The following EPYC variants were observed in gnomAD, a reference collection of about 807,000 sequenced individuals.
EPYC encodes the protein dermatan sulfate proteoglycan 3.
EPYC carries 28 observed loss-of-function variants against 30.1 expected under a neutral mutation model. The ratio of observed to expected loss-of-function variants is 0.93; its 90% CI spans 0.69 to 1.28. The LOEUF is 1.28. EPYC is among the 50% of genes most tolerant of loss of function. The probability of loss-of-function intolerance (pLI) is 0.00; values close to 1 mark genes in which losing one functional copy is unlikely to be tolerated. For synonymous variants in EPYC, 144 were observed against 141.4 expected (o/e 1.02, Z -0.13); for missense variants, 382 against 383.5 (o/e 1.00, Z 0.03).
chr12:90,967,523 T>C (rs1876928653), intron 6 of EPYC, among the ~76,000 whole-genome samples: 1 of 152,210 alleles, frequency 6.6e-6, no homozygotes. Context: ...TAGTATGTGG[T>C]CTACCTGGGA....
Position 90,964,345 on chromosome 12 carries a change from A to T in EPYC, c.799-19T>A, listed in dbSNP as rs549750905. ...TGTTATTCTAAAAAAGATGAAAATAAATTATGACAAGATATAACACATTCT... is the reference window on the plus strand; with the variant it reads ...TGTTATTCTAAAAAAGATGAAAATATATTATGACAAGATATAACACATTCT... On this transcript the variant is annotated intron_variant, in intron 6 of 6. Transcript: ENST00000261172. 10 of 1,567,948 alleles carry T rather than the reference A, an allele frequency of 6.4e-6. No homozygotes were observed. In the African/African-American group the frequency reaches 8.1e-5, roughly 13 times the overall value.
intron 2 of EPYC, among the ~76,000 whole-genome samples, chr12:90,987,045 T>G (rs1018487697): frequency 6.6e-6 from 1 of 152,172 alleles, no homozygotes; most frequent in African/African-American, 2.4e-5. Flanking sequence ...TTGTTTTGTG[T>G]ATAAGAGTAA....
At chr12:90,975,058 A>G (rs1877149663) in intron 3 of EPYC, among the ~76,000 whole-genome samples, 1 of 152,132 alleles carries the variant, frequency 6.6e-6, no homozygotes, top group Non-Finnish European at 1.5e-5. Flanking sequence ...TGTAATCAAG[A>G]ACTAATAATG....
intron 3 of EPYC, among the ~76,000 whole-genome samples, chr12:90,976,519 G>T (rs1267208447): frequency 6.6e-6 from 1 of 152,044 alleles, no homozygotes; most frequent in Non-Finnish European, 1.5e-5. Flanking sequence ...TCACAGTGCT[G>T]GGATTTGAAT....
intron 3 of EPYC, among the ~76,000 whole-genome samples, chr12:90,975,406 A>G (rs1437802239): frequency 1.3e-5 from 2 of 152,066 alleles, no homozygotes; most frequent in African/African-American, 4.8e-5. Flanking sequence ...TTGTTTTAGT[A>G]GTAAAAATAT....
intron 6 of EPYC, among the ~76,000 whole-genome samples, chr12:90,965,052 T>C (rs558711752): frequency 6.4e-4 from 98 of 152,238 alleles, no homozygotes; most frequent in African/African-American, 2.2e-3. Flanking sequence ...ACTGCTAATC[T>C]ATTTTCTTTT....
At chr12:90,976,351 C>G (rs1006079256) in intron 3 of EPYC, among the ~76,000 whole-genome samples, 3 of 152,110 alleles carry the variant, frequency 2.0e-5, no homozygotes, top group African/African-American at 7.2e-5. Context: ...ATAACTAACA[C>G]TATGTTTACT....
chr12:90,989,279 G>T (rs1034475101), intron 2 of EPYC, among the ~76,000 whole-genome samples: 1 of 151,818 alleles, frequency 6.6e-6, no homozygotes, highest in African/African-American at 2.4e-5. Flanking sequence ...CTTATTTGTT[G>T]TAGTACTTAC....
chr12:91,002,445 C>G lies in EPYC; in HGVS notation c.121G>C (p.Asp41His). The G allele has an allele frequency of 6.2e-7, 1 of 1,613,122 alleles. No individual in the cohort carries two copies. The highest frequency in any genetic ancestry group is 1.7e-5 in the Admixed American group (1 of 59,886). Residue 41 changes from aspartate to histidine, a missense_variant, in exon 2 of 7, where the codon GAT becomes CAT. Physicochemically the swap from Asp to His is moderately conservative, Grantham distance 81. Coordinates refer to ENST00000261172, the MANE Select transcript of EPYC (RefSeq NM_004950.5). ...ETYDATLEDL[D>H]NLYNYENIPV... ...ATGTTTTCATAGTTGTACAAATTAT[C>G]CAGGTCTTCTAAGGTGGCATCATAG... is the stretch of plus-strand genomic sequence containing the variant.
chr12:90,972,746 G>A (rs1466865474), intron 4 of EPYC, 76 bp downstream of exon 4: 9 of 1,306,244 alleles, frequency 6.9e-6, no homozygotes, highest in Non-Finnish European at 8.4e-6. Flanking sequence ...TTCATTCTCA[G>A]TGCTAACATT....
intron 2 of EPYC, among the ~76,000 whole-genome samples, chr12:90,989,575 A>C (rs1877534202): frequency 6.6e-6 from 1 of 151,994 alleles, no homozygotes; most frequent in Non-Finnish European, 1.5e-5. Context: ...TCTAAAAGAT[A>C]ATGCTTACTC....
intron 2 of EPYC, among the ~76,000 whole-genome samples, chr12:90,980,649 T>C (rs1385799418): frequency 2.0e-5 from 3 of 152,158 alleles, no homozygotes; most frequent in African/African-American, 7.2e-5. Flanking sequence ...ATGCTTATGT[T>C]GCAGAAAACT....
intron 2 of EPYC, among the ~76,000 whole-genome samples, chr12:91,001,305 C>A (rs186381344): frequency 6.6e-6 from 1 of 152,124 alleles, no homozygotes; most frequent in East Asian, 1.9e-4. Flanking sequence ...ACGATTTCAT[C>A]TAAATATTTT....
chr12:90,974,032 A>ACT (rs1208719503), intron 3 of EPYC, among the ~76,000 whole-genome samples: 214 of 106,024 alleles, frequency 2.0e-3, no homozygotes, highest in South Asian at 5.0e-3. Flanking sequence ...TCTGTCTTAC[A>ACT]CACACTCACA....
At chr12:90,988,037 A>G (rs1877494843) in intron 2 of EPYC, among the ~76,000 whole-genome samples, 1 of 152,140 alleles carries the variant, frequency 6.6e-6, no homozygotes, top group South Asian at 2.1e-4. Flanking sequence ...AAATCCTTGA[A>G]GAAAGAGAAA....
At chr12:90,972,614 C>T in intron 4 of EPYC, 1 of 454,930 alleles carries the variant, frequency 2.2e-6, no homozygotes, top group Non-Finnish European at 3.9e-6. Flanking sequence ...AAAACATCAC[C>T]TATATGGTTT....
chr12:90,981,537 G>C (rs187747617), intron 2 of EPYC, among the ~76,000 whole-genome samples: 1 of 152,250 alleles, frequency 6.6e-6, no homozygotes, highest in East Asian at 1.9e-4. Context: ...ACCATTTTAA[G>C]TGACAATAAG....
chr12:90,976,652 G>C (rs1293719588), intron 3 of EPYC, among the ~76,000 whole-genome samples: 1 of 151,996 alleles, frequency 6.6e-6, no homozygotes, highest in South Asian at 2.1e-4. Flanking sequence ...ATGTGTTCTG[G>C]ACAGACTTTT....
chr12:90,972,944 G>C lies in EPYC; in HGVS notation c.377C>G (p.Thr126Ser), dbSNP rs1267475239. The change falls in exon 4 of 7, where the codon ACC (threonine) becomes AGC (serine). Residue 126 changes from threonine to serine, a missense_variant. Transcript: ENST00000261172. ...TTCATGGTCATCACAGTACACGGTG[G>C]TACTTATACAAGTACACAAAAGACA... ...PTCLLCTCIS[T>S]TVYCDDHELD... 2 of 1,607,782 alleles carry C rather than the reference G, an allele frequency of 1.2e-6. No homozygotes were observed. The highest frequency in any genetic ancestry group is 1.7e-6 in the Non-Finnish European group (2 of 1,176,098).
Sources: gnomAD v4.1 joint callset for allele counts (sites outside exome capture counted in the v4.1 genomes callset) on GRCh38, gnomAD v4.1.1 for gene constraint, MANE v1.5 for transcripts, NCBI Gene and HGNC (gene_info 2026-07-23, HGNC 2026-07-21) for gene names.